AKAP12: variants seen among roughly 807,000 people sequenced by gnomAD.
The protein encoded by AKAP12 is A-kinase anchoring protein 12.
Under a neutral mutation model 79.9 loss-of-function variants are expected in AKAP12, and 32 were observed. The observed-to-expected ratio is 0.40, with a 90% CI of 0.30 to 0.54. The LOEUF (loss-of-function observed/expected upper bound fraction) is 0.54, where lower values mean the gene tolerates loss of function less well. Among genes scored for constraint, AKAP12 ranks in the 20% least tolerant of loss-of-function variants. The pLI is 0.48. For synonymous variants in AKAP12, 808 were observed against 857.0 expected (o/e 0.94, Z 1.00); for missense variants, 2,074 against 2,177.0 (o/e 0.95, Z 0.94).
intron 2 of AKAP12, among the ~76,000 whole-genome samples, chr6:151,248,331 G>A (rs1035558823): frequency 6.7e-6 from 1 of 149,278 alleles, no homozygotes; most frequent in Admixed American, 6.8e-5. Flanking sequence ...TTGAACTCCC[G>A]GACTCAGGCC....
At chr6:151,340,850 A>ATTGTTTCCTCGTGATTAGATGCCG (rs1777926591) in intron 3 of AKAP12, among the ~76,000 whole-genome samples, 1 of 152,060 alleles carries the variant, frequency 6.6e-6, no homozygotes, top group Non-Finnish European at 1.5e-5. Flanking sequence ...GATTCATCTG[A>ATTGTTTCCTCGTGATTAGATGCCG]TTGTTTCCTC....
At chr6:151,247,830 G>T (rs888252564) in intron 2 of AKAP12, among the ~76,000 whole-genome samples, 5 of 152,162 alleles carry the variant, frequency 3.3e-5, no homozygotes, top group African/African-American at 1.2e-4. Context: ...AAAAATGTAG[G>T]TGTTCAAAGC....
At chr6:151,271,734 A>G (rs925738442) in intron 2 of AKAP12, among the ~76,000 whole-genome samples, 1 of 152,122 alleles carries the variant, frequency 6.6e-6, no homozygotes, top group African/African-American at 2.4e-5. Flanking sequence ...ATTTCGGCTC[A>G]CTGCAACCTC....
intron 2 of AKAP12, among the ~76,000 whole-genome samples, chr6:151,242,506 A>G (rs1179019975): frequency 2.0e-5 from 3 of 152,256 alleles, no homozygotes; most frequent in African/African-American, 7.2e-5. Context: ...AAATCAGTGC[A>G]CTTACATGTA....
chr6:151,250,090 TA>T (rs1395485317), intron 2 of AKAP12, among the ~76,000 whole-genome samples: 1 of 152,100 alleles, frequency 6.6e-6, no homozygotes, highest in Non-Finnish European at 1.5e-5. Flanking sequence ...ACAAAAAATT[TA>T]AAAATTAGCC....
intron 2 of AKAP12, 38 bp downstream of exon 2, chr6:151,240,762 G>A (rs1796955361): frequency 9.0e-7 from 1 of 1,113,176 alleles, no homozygotes; most frequent in African/African-American, 1.8e-5. Flanking sequence ...GGGAGGCGCG[G>A]GTCTTTGGGG....
At chr6:151,288,360 CA>C (rs1274474541) in intron 2 of AKAP12, among the ~76,000 whole-genome samples, 1 of 151,818 alleles carries the variant, frequency 6.6e-6, no homozygotes, top group Non-Finnish European at 1.5e-5. Context: ...ACGAAAAATA[CA>C]AAAAAATTAG....
intron 2 of AKAP12, among the ~76,000 whole-genome samples, chr6:151,304,566 G>A (rs984403538): frequency 7.0e-6 from 1 of 143,782 alleles, no homozygotes; most frequent in Non-Finnish European, 1.5e-5. Context: ...GATTTTGTGG[G>A]TTTTTTCATT....
At chr6:151,298,114 T>C (rs1360144254) in intron 2 of AKAP12, among the ~76,000 whole-genome samples, 1 of 152,226 alleles carries the variant, frequency 6.6e-6, no homozygotes, top group African/African-American at 2.4e-5. Flanking sequence ...TTGTATGTGC[T>C]GTGCTGTCTT....
intron 2 of AKAP12, among the ~76,000 whole-genome samples, chr6:151,247,234 C>T (rs1302794706): frequency 2.6e-5 from 4 of 151,956 alleles, no homozygotes; most frequent in Non-Finnish European, 5.9e-5. Context: ...GACCCCATCT[C>T]TACAAAAAAT....
Position 151,241,826 on chromosome 6 carries a change from C to CAA in AKAP12, c.162+1118_162+1119dup, listed in dbSNP as rs59482970. Among the ~76,000 whole-genome samples the CAA allele has an allele frequency of 9.1e-3, 1,124 of 123,778 alleles. 4 individuals are homozygous for CAA. Among genetic ancestry groups the CAA allele is most frequent in the Middle Eastern group, 0.026 (6 of 228 alleles). The allele number at this position is 123,778 out of a possible 152,430, so 81.2% of individuals were successfully genotyped here. On this transcript the variant is annotated intron_variant, in intron 2 of 4. Transcript: ENST00000402676. ...AGGAGGTGTAGATGTTTACAATATG[C>CAA]AAAAAAAAAAAAAAAAAGGAACCTA...
intron 2 of AKAP12, among the ~76,000 whole-genome samples, chr6:151,260,284 A>G (rs565447679): frequency 1.3e-5 from 2 of 152,272 alleles, no homozygotes; most frequent in South Asian, 4.1e-4. Context: ...TGGAAATTTA[A>G]CTAGGAGTTG....
chr6:151,279,340 C>G (rs1776351924), intron 2 of AKAP12, among the ~76,000 whole-genome samples: 1 of 152,084 alleles, frequency 6.6e-6, no homozygotes, highest in African/African-American at 2.4e-5. Flanking sequence ...AAGTAACATT[C>G]TTTCAGGATT....
chr6:151,317,896 CTGTTAG>C (rs1777271974), intron 3 of AKAP12, among the ~76,000 whole-genome samples: 1 of 152,196 alleles, frequency 6.6e-6, no homozygotes. Flanking sequence ...TTCCAGATAA[CTGTTAG>C]CTGTAAATAA....
chr6:151,310,954 A>G (rs2473611), intron 3 of AKAP12, among the ~76,000 whole-genome samples: 91,374 of 151,964 alleles, frequency 0.6, 28,152 homozygotes, highest in African/African-American at 0.73. Context: ...GACAATGGCA[A>G]TCTTTTCCTT....
intron 3 of AKAP12, among the ~76,000 whole-genome samples, chr6:151,332,033 G>GTTGTTTTTTTTTT (rs1303327962): frequency 3.8e-5 from 3 of 79,682 alleles, no homozygotes; most frequent in African/African-American, 1.6e-4. Context: ...TTCTGGGTCT[G>GTTGTTTTTTTTTT]TTTTTTTTTT....
At chr6:151,316,553 G>T (rs1173371676) in intron 3 of AKAP12, among the ~76,000 whole-genome samples, 3 of 152,140 alleles carry the variant, frequency 2.0e-5, no homozygotes, top group South Asian at 4.2e-4. Context: ...GCAGACGGCC[G>T]CCTTCTCACT....
chr6:151,259,384 T>C (rs1042873415), intron 2 of AKAP12, among the ~76,000 whole-genome samples: 1 of 150,042 alleles, frequency 6.7e-6, no homozygotes, highest in Non-Finnish European at 1.5e-5. Flanking sequence ...AGGTACTCCT[T>C]CTTTTAAAAA....
intron 3 of AKAP12, among the ~76,000 whole-genome samples, chr6:151,328,056 G>A (rs185150673): frequency 3.5e-4 from 54 of 152,292 alleles, no homozygotes; most frequent in Non-Finnish European, 7.3e-5. Flanking sequence ...AACCGGGCGC[G>A]GTGGCTCACG....
Sources: allele counts gnomAD v4.1 joint callset (sites outside exome capture counted in the v4.1 genomes callset), GRCh38; gene constraint gnomAD v4.1.1; transcripts MANE v1.5; gene names NCBI Gene and HGNC (gene_info 2026-07-23, HGNC 2026-07-21).